PRKG1: variants seen among roughly 807,000 people sequenced by gnomAD.
PRKG1 encodes cGMP-dependent protein kinase 1.
PRKG1 carries 35 observed loss-of-function variants against 88.1 expected under a neutral mutation model. The ratio of observed to expected loss-of-function variants is 0.40; its 90% confidence interval spans 0.30 to 0.53. The LOEUF is 0.53. Ranked by LOEUF, PRKG1 falls within the 20% of genes least tolerant of loss-of-function variation. The probability of loss-of-function intolerance (pLI) is 0.59; values close to 1 mark genes in which losing one functional copy is unlikely to be tolerated. For missense variants in PRKG1, 540 were observed against 839.8 expected (o/e 0.64, Z 4.41); for synonymous variants, 303 against 292.5 (o/e 1.04, Z -0.37).
chr10:51,765,329 C>T (rs1437370911), intron 3 of PRKG1, among the ~76,000 whole-genome samples: 1 of 152,168 alleles, frequency 6.6e-6, no homozygotes, highest in Non-Finnish European at 1.5e-5. Context: ...TACAAAACTC[C>T]CTTGATTCAG....
At chr10:51,367,322 A>C (rs1193855210) in intron 2 of PRKG1, among the ~76,000 whole-genome samples, 1 of 151,990 alleles carries the variant, frequency 6.6e-6, no homozygotes, top group African/African-American at 2.4e-5. Context: ...TTTTGGCAAC[A>C]GGGTAACTCA....
chr10:51,463,937 TTTTG>T (rs1839810976), intron 2 of PRKG1, among the ~76,000 whole-genome samples: 1 of 152,182 alleles, frequency 6.6e-6, no homozygotes. Flanking sequence ...AGACACTGTG[TTTTG>T]TTTATCATTT....
At chr10:51,070,455 G>A (rs541218003), upstream of PRKG1, among the ~76,000 whole-genome samples, 2 of 152,210 alleles carry the variant, frequency 1.3e-5, no homozygotes, top group South Asian at 4.1e-4. Context: ...TCTCCTGAAA[G>A]GCTCAGCTAT....
intron 14 of PRKG1, among the ~76,000 whole-genome samples, chr10:52,288,130 G>T (rs1457780386): frequency 6.6e-6 from 1 of 152,126 alleles, no homozygotes; most frequent in African/African-American, 2.4e-5. Flanking sequence ...GTTGTAATAG[G>T]TTGACCAGAG....
intron 1 of PRKG1, among the ~76,000 whole-genome samples, chr10:51,055,664 A>G (rs1843618075): frequency 6.6e-6 from 1 of 151,942 alleles, no homozygotes; most frequent in Non-Finnish European, 1.5e-5. Flanking sequence ...GCATGAACCC[A>G]GGGGCAGAGC....
intron 5 of PRKG1, among the ~76,000 whole-genome samples, chr10:51,965,864 TCAA>T (rs1252453075): frequency 6.6e-6 from 1 of 152,206 alleles, no homozygotes; most frequent in African/African-American, 2.4e-5. Flanking sequence ...GTTGCGAATG[TCAA>T]CAATTTCAAA....
chr10:50,999,537 AG>A (rs1172561019), intron 1 of PRKG1, among the ~76,000 whole-genome samples: 1 of 152,192 alleles, frequency 6.6e-6, no homozygotes, highest in East Asian at 1.9e-4. Flanking sequence ...TTAAATTCTC[AG>A]ATGTGTCTTT....
At chr10:51,545,570 T>C (rs747869134) in intron 3 of PRKG1, among the ~76,000 whole-genome samples, 14 of 152,156 alleles carry the variant, frequency 9.2e-5, no homozygotes, top group Non-Finnish European at 1.8e-4. Context: ...AAAAATAACT[T>C]ACACAGAAGA....
chr10:52,205,469 T>C (rs1417516777), intron 9 of PRKG1, among the ~76,000 whole-genome samples: 1 of 152,174 alleles, frequency 6.6e-6, no homozygotes, highest in Non-Finnish European at 1.5e-5. Context: ...AGAACCCACG[T>C]TGAATTATTG....
intron 3 of PRKG1, among the ~76,000 whole-genome samples, chr10:51,677,128 T>C (rs1391883191): frequency 6.6e-6 from 1 of 152,190 alleles, no homozygotes; most frequent in Non-Finnish European, 1.5e-5. Flanking sequence ...GATGGAATTA[T>C]ACAATGCCTT....
chr10:51,619,494 A>G (rs1292243631), intron 3 of PRKG1, among the ~76,000 whole-genome samples: 2 of 152,190 alleles, frequency 1.3e-5, no homozygotes, highest in African/African-American at 4.8e-5. Context: ...AGGAAATAAG[A>G]CACTAAACTA....
chr10:52,105,451 G>A (rs941637200), intron 7 of PRKG1, among the ~76,000 whole-genome samples: 1 of 152,112 alleles, frequency 6.6e-6, no homozygotes, highest in South Asian at 2.1e-4. Flanking sequence ...TAGAATTAAG[G>A]CATCATGTTG....
chr10:51,211,342 A>G (rs1298711701), intron 2 of PRKG1, among the ~76,000 whole-genome samples: 1 of 152,224 alleles, frequency 6.6e-6, no homozygotes, highest in African/African-American at 2.4e-5. Flanking sequence ...ATCTATGACA[A>G]ACCTACAGCC....
chr10:52,242,337 C>T (rs972987487), intron 9 of PRKG1: 2 of 152,132 alleles, frequency 1.3e-5, no homozygotes, highest in African/African-American at 4.8e-5. Flanking sequence ...AGAATTTCCT[C>T]AGATCCCAGC....
chr10:51,503,048 C>T (rs1841078128), intron 3 of PRKG1, among the ~76,000 whole-genome samples: 1 of 152,058 alleles, frequency 6.6e-6, no homozygotes, highest in African/African-American at 2.4e-5. Flanking sequence ...TTTCTGAAGT[C>T]CCTAACTTCT....
At chr10:52,199,209 G>T (rs1839592258) in intron 9 of PRKG1, among the ~76,000 whole-genome samples, 1 of 151,826 alleles carries the variant, frequency 6.6e-6, no homozygotes, top group East Asian at 1.9e-4. Context: ...CTGACATTTT[G>T]ACCTAGGCAT....
chr10:51,404,515 CAA>C (rs1352789097), intron 2 of PRKG1, among the ~76,000 whole-genome samples: 1 of 152,172 alleles, frequency 6.6e-6, no homozygotes, highest in East Asian at 1.9e-4. Context: ...ATATGATGGA[CAA>C]AGGTTGATCT....
chr10:52,120,087 C>T (rs1847784898), intron 7 of PRKG1, among the ~76,000 whole-genome samples: 2 of 152,016 alleles, frequency 1.3e-5, no homozygotes, highest in African/African-American at 2.4e-5. Flanking sequence ...GAGACAAAGA[C>T]AGAGAGAGAG....
chr10:52,012,552 A>G (rs1160555580), intron 5 of PRKG1, among the ~76,000 whole-genome samples: 1 of 151,986 alleles, frequency 6.6e-6, no homozygotes, highest in Non-Finnish European at 1.5e-5. Context: ...GCGCCCAGCT[A>G]ATTTTTTTAT....
Sources: allele counts gnomAD v4.1 joint callset (sites outside exome capture counted in the v4.1 genomes callset), GRCh38; gene constraint gnomAD v4.1.1; transcripts MANE v1.5; gene names NCBI Gene and HGNC (gene_info 2026-07-23, HGNC 2026-07-21).